DNAJC24: variants seen among roughly 807,000 people sequenced by gnomAD.
DNAJC24 encodes the protein DnaJ heat shock protein family (Hsp40) member C24.
In DNAJC24, 17 loss-of-function variants were observed where a neutral mutation model predicts 18.0. That is an observed-to-expected ratio of 0.94 (90% CI 0.65 to 1.42). The LOEUF (loss-of-function observed/expected upper bound fraction) is 1.42, where lower values mean the gene tolerates loss of function less well. Among genes scored for constraint, DNAJC24 ranks in the 40% most tolerant of loss-of-function variants. The pLI is 0.00. For synonymous variants in DNAJC24, 55 were observed against 57.7 expected, an observed-to-expected ratio of 0.95 and a Z score of 0.21; for missense variants, 158 against 175.6, an observed-to-expected ratio of 0.90 and a Z score of 0.57.
intron 2 of DNAJC24, among the ~76,000 whole-genome samples, chr11:31,412,841 AC>A (rs1346318815): frequency 1.3e-5 from 2 of 152,194 alleles, no homozygotes; most frequent in African/African-American, 4.8e-5. Context: ...GTAACCAAAT[AC>A]CAGGATAGCA....
intron 2 of DNAJC24, 134 bp from the exon 3 acceptor site, chr11:31,414,677 G>A: frequency 1.1e-6 from 1 of 889,934 alleles, no homozygotes; most frequent in Non-Finnish European, 1.7e-6. Flanking sequence ...CAACACTGTT[G>A]TCTCATTGCC....
intron 2 of DNAJC24, among the ~76,000 whole-genome samples, chr11:31,403,083 T>TA (rs1357475290): frequency 6.6e-6 from 1 of 151,980 alleles, no homozygotes; most frequent in Non-Finnish European, 1.5e-5. Context: ...TATAGATTCT[T>TA]AAAAATCACA....
At chr11:31,372,127 C>CTT (rs1169520898) in intron 2 of DNAJC24, among the ~76,000 whole-genome samples, 3 of 148,072 alleles carry the variant, frequency 2.0e-5, no homozygotes, top group African/African-American at 7.4e-5. Context: ...CCGGCCGACT[C>CTT]TTTTTTTTTT....
intron 2 of DNAJC24, among the ~76,000 whole-genome samples, chr11:31,381,863 T>C (rs1471504121): frequency 1.3e-5 from 2 of 152,118 alleles, no homozygotes; most frequent in East Asian, 1.9e-4. Flanking sequence ...AGGTGTGAGC[T>C]ACTACGCCTG....
At chr11:31,392,838 G>T (rs187557459) in intron 2 of DNAJC24, among the ~76,000 whole-genome samples, 1 of 151,280 alleles carries the variant, frequency 6.6e-6, no homozygotes, top group African/African-American at 2.4e-5. Context: ...GCCTCCCGAC[G>T]GGGTTTCACC....
intron 2 of DNAJC24, among the ~76,000 whole-genome samples, chr11:31,409,764 G>A (rs1952689396): frequency 6.6e-6 from 1 of 152,070 alleles, no homozygotes; most frequent in African/African-American, 2.4e-5. Flanking sequence ...TATTGATCAT[G>A]GAGTAAATGT....
At chr11:31,428,010 A>G (rs1019808517) in intron 4 of DNAJC24, 8 of 150,840 alleles carry the variant, frequency 5.3e-5, no homozygotes. Flanking sequence ...GCAAGACCAC[A>G]TCTCTACAAG....
intron 2 of DNAJC24, among the ~76,000 whole-genome samples, chr11:31,381,806 A>G (rs1292633176): frequency 6.6e-6 from 1 of 151,990 alleles, no homozygotes; most frequent in African/African-American, 2.4e-5. Flanking sequence ...CGAACTCCTG[A>G]CCTCAGATGA....
intron 2 of DNAJC24, among the ~76,000 whole-genome samples, chr11:31,400,807 C>T (rs1952593687): frequency 6.6e-6 from 1 of 152,170 alleles, no homozygotes; most frequent in Non-Finnish European, 1.5e-5. Flanking sequence ...CCGTTAAGGA[C>T]ATAGGCATGG....
intron 1 of DNAJC24, among the ~76,000 whole-genome samples, 165 bp from the exon 2 acceptor site, chr11:31,370,551 C>G (rs145149953): frequency 1.3e-5 from 2 of 152,080 alleles, no homozygotes; most frequent in African/African-American, 4.8e-5. Flanking sequence ...TACACTTATA[C>G]CTGGAATTCT....
intron 2 of DNAJC24, among the ~76,000 whole-genome samples, chr11:31,379,028 A>G (rs1952347929): frequency 6.6e-6 from 1 of 152,186 alleles, no homozygotes; most frequent in Non-Finnish European, 1.5e-5. Context: ...TTCATCTGTA[A>G]AAATGAGATG....
At chr11:31,428,600 A>G (rs1290411204) in intron 4 of DNAJC24, among the ~76,000 whole-genome samples, 3 of 152,178 alleles carry the variant, frequency 2.0e-5, no homozygotes, top group Non-Finnish European at 4.4e-5. Context: ...CAGGATAGAC[A>G]TAGCCAAATT....
chr11:31,417,141 G>C (rs1952757651), intron 3 of DNAJC24: 1 of 151,292 alleles, frequency 6.6e-6, no homozygotes, highest in Non-Finnish European at 1.5e-5. Context: ...TGACACTTTA[G>C]TACCTCAGAT....
At chr11:31,425,547 C>T (rs1952852776) in intron 3 of DNAJC24, among the ~76,000 whole-genome samples, 1 of 152,150 alleles carries the variant, frequency 6.6e-6, no homozygotes, top group South Asian at 2.1e-4. Context: ...TGCAGACAGC[C>T]TCCTTCTTGC....
intron 2 of DNAJC24, among the ~76,000 whole-genome samples, chr11:31,393,569 C>G (rs1047614575): frequency 6.6e-6 from 1 of 152,190 alleles, no homozygotes; most frequent in African/African-American, 2.4e-5. Context: ...CTCTCTTGGC[C>G]CATATCCCTG....
intron 2 of DNAJC24, among the ~76,000 whole-genome samples, chr11:31,405,702 G>A (rs138109878): frequency 1.3e-5 from 2 of 152,064 alleles, no homozygotes; most frequent in Non-Finnish European, 2.9e-5. Context: ...CAGTCCTCCC[G>A]CCTCAGCATC....
At chr11:31,401,352 G>A (rs187010307) in intron 2 of DNAJC24, among the ~76,000 whole-genome samples, 37 of 152,228 alleles carry the variant, frequency 2.4e-4, no homozygotes, top group Admixed American at 4.6e-4. Flanking sequence ...CAGCTTTACT[G>A]TCTTTCAGTG....
At chr11:31,426,487 G>A in intron 4 of DNAJC24, 132 bp downstream of exon 4, 1 of 530,394 alleles carries the variant, frequency 1.9e-6, no homozygotes, top group South Asian at 3.2e-5. Flanking sequence ...TGTGGTAAGT[G>A]TTTCTGTCTG....
intron 1 of DNAJC24, 113 bp from the exon 2 acceptor site, chr11:31,370,603 A>G: frequency 4.0e-6 from 2 of 499,586 alleles, no homozygotes; most frequent in South Asian, 4.2e-5. Flanking sequence ...TCAGGTTTGC[A>G]TTATAATCAT....
Sources: allele counts gnomAD v4.1 joint callset (sites outside exome capture counted in the v4.1 genomes callset), GRCh38; gene constraint gnomAD v4.1.1; transcripts MANE v1.5; gene names NCBI Gene and HGNC (gene_info 2026-07-23, HGNC 2026-07-21).